STK3: variants seen among roughly 807,000 people sequenced by gnomAD.
STK3 encodes the protein serine/threonine kinase 3.
Under a neutral mutation model 58.0 loss-of-function variants are expected in STK3, and 41 were observed. The ratio of observed to expected loss-of-function variants is 0.71; its 90% CI spans 0.55 to 0.92. STK3 has a LOEUF of 0.92. Ranked by LOEUF, STK3 falls within the 40% of genes least tolerant of loss-of-function variation. STK3 has a pLI of 0.00. For synonymous variants in STK3, 170 were observed against 191.0 expected (o/e 0.89, Z 0.91); for missense variants, 479 against 602.7 (o/e 0.79, Z 2.15).
rs141088013 is a variant in STK3 at position 98,460,377 on chromosome 8, G to T, written c.1318-4377C>A. 5.4e-3 allele frequency among the ~76,000 whole-genome samples: 816 copies of T among 152,286 alleles called. 9 individuals are homozygous for T. The highest frequency in any genetic ancestry group is 0.019 in the African/African-American group (786 of 41,564). ...ATTGTGTCTTGGAAGTCACTAACTT[G>T]CTTTTGATTTTATAGGCTCTTAGGT... is the stretch of plus-strand genomic sequence containing the variant. On this transcript the variant is annotated intron_variant, in intron 10 of 10. Coordinates refer to ENST00000419617, the MANE Select transcript of STK3 (RefSeq NM_006281.4).
chr8:98,392,308 C>T (rs538656426), upstream of STK3, among the ~76,000 whole-genome samples: 2 of 152,158 alleles, frequency 1.3e-5, no homozygotes, highest in African/African-American at 2.4e-5. Flanking sequence ...GGAATGCTTC[C>T]TATTTCTAAA....
chr8:98,580,809 C>T (rs552077477), intron 7 of STK3, among the ~76,000 whole-genome samples: 12 of 151,778 alleles, frequency 7.9e-5, no homozygotes, highest in East Asian at 1.9e-4. Context: ...CAAGAGAACA[C>T]AAAAATATAT....
chr8:98,778,911 A>C (rs1368150053), intron 1 of STK3: 1 of 152,128 alleles, frequency 6.6e-6, no homozygotes, highest in African/African-American at 2.4e-5. Flanking sequence ...GGATAGCATT[A>C]GGAGATATAC....
chr8:98,568,635 G>A (rs1002508524), intron 8 of STK3, among the ~76,000 whole-genome samples: 6 of 152,006 alleles, frequency 3.9e-5, no homozygotes, highest in African/African-American at 1.5e-4. Flanking sequence ...ACAGACACAA[G>A]GCAGGGAGCA....
intron 3 of STK3, among the ~76,000 whole-genome samples, chr8:98,755,003 C>T (rs1273578934): frequency 6.6e-6 from 1 of 152,176 alleles, no homozygotes; most frequent in African/African-American, 2.4e-5. Context: ...GGGCAGCCAC[C>T]TGAAAACACA....
At chr8:98,761,656 T>G (rs996003949) in intron 3 of STK3, among the ~76,000 whole-genome samples, 10 of 152,212 alleles carry the variant, frequency 6.6e-5, no homozygotes, top group African/African-American at 2.4e-4. Context: ...AATGTGGATA[T>G]TCTATTAAAA....
chr8:98,633,410 A>G lies in STK3; in HGVS notation c.685-37241T>C, dbSNP rs1028794612. 62 of 473,118 alleles carry G rather than the reference A, an allele frequency of 1.3e-4. 1 individual carries two copies. In the South Asian group the frequency reaches 1.8e-3, roughly 14 times the overall value. 29.3% of individuals were successfully genotyped at this position (473,118 alleles called of 1,614,324 possible). ...TTAAGATGATCAATCTAGCAGCATC[A>G]TGAAGTTTACTTTAGAGAGGAGATT... On this transcript the variant is annotated intron_variant, in intron 6 of 10. Transcript: ENST00000419617.
At chr8:98,359,689 C>T in the STK3 span, among the ~76,000 whole-genome samples, 1 of 152,130 alleles carries the variant, frequency 6.6e-6, no homozygotes, top group Admixed American at 6.5e-5. Context: ...CATAGAGCAG[C>T]CAGGAGGATC....
At chr8:98,904,909 G>A (rs1414029414) in intron 1 of STK3, 9 of 697,250 alleles carry the variant, frequency 1.3e-5, no homozygotes, top group Middle Eastern at 2.5e-4. Context: ...TGGACTTGAG[G>A]CAGATGGGAC....
rs1297639603 is a variant in STK3, at chr8:98,425,700, C to T, written n.483+8427G>A. ...GAGCCCCCATTCGAAGCCAGATTAA[C>T]GGTCCTCTACAGGTCCTCCAAGGAG... On this transcript the variant is annotated intron_variant and non_coding_transcript_variant, in intron 3 of 3. Transcript: ENST00000517832. Among the ~76,000 whole-genome samples, 9 of 152,300 alleles carry T rather than the reference C, an allele frequency of 5.9e-5. No individual in the cohort carries two copies. The East Asian group carries it at 1.7e-3, about 29-fold the overall frequency.
intron 6 of STK3, among the ~76,000 whole-genome samples, chr8:98,656,930 T>C (rs1220968645): frequency 6.6e-6 from 1 of 152,094 alleles, no homozygotes; most frequent in East Asian, 1.9e-4. Flanking sequence ...GTGGATGAAA[T>C]ACTGGTTGAG....
intron 1 of STK3, among the ~76,000 whole-genome samples, chr8:98,810,931 C>T (rs140077963): frequency 2.9e-4 from 44 of 152,214 alleles, no homozygotes; most frequent in Non-Finnish European, 4.7e-4. Flanking sequence ...CTCTCTCTTC[C>T]CATGTGACAC....
At chr8:98,795,704 AAAATG>A (rs1203099765) in intron 1 of STK3, among the ~76,000 whole-genome samples, 1 of 152,188 alleles carries the variant, frequency 6.6e-6, no homozygotes, top group Non-Finnish European at 1.5e-5. Context: ...TTCAGGATAC[AAAATG>A]AACAAAAACC....
intron 1 of STK3, among the ~76,000 whole-genome samples, chr8:98,813,082 G>A (rs1433695533): frequency 2.0e-5 from 3 of 151,216 alleles, no homozygotes; most frequent in East Asian, 3.9e-4. Context: ...AGATGCTGAC[G>A]ACGTCAGACA....
intron 1 of STK3, among the ~76,000 whole-genome samples, chr8:98,448,816 C>T (rs1326105091): frequency 6.6e-6 from 1 of 152,132 alleles, no homozygotes; most frequent in Non-Finnish European, 1.5e-5. Context: ...GTTAAAATGT[C>T]ATTTGTATCA....
intron 1 of STK3, among the ~76,000 whole-genome samples, chr8:98,791,541 G>A (rs1434831321): frequency 6.6e-6 from 1 of 152,130 alleles, no homozygotes; most frequent in Non-Finnish European, 1.5e-5. Flanking sequence ...GAACAAATCT[G>A]GAGGCATCGC....
chr8:98,614,396 T>C (rs1158436348), intron 6 of STK3, among the ~76,000 whole-genome samples: 1 of 152,068 alleles, frequency 6.6e-6, no homozygotes, highest in African/African-American at 2.4e-5. Context: ...ACTTGAAAAC[T>C]AAAGAACACG....
chr8:98,424,680 C>T (rs1174669030), intron 3 of STK3, among the ~76,000 whole-genome samples: 7 of 152,162 alleles, frequency 4.6e-5, no homozygotes, highest in South Asian at 4.1e-4. Context: ...CAGAAGGAGG[C>T]GGGCAGATAC....
At chr8:98,877,255 T>C (rs1226478482) in intron 3 of STK3, among the ~76,000 whole-genome samples, 1 of 152,184 alleles carries the variant, frequency 6.6e-6, no homozygotes, top group Non-Finnish European at 1.5e-5. Context: ...CACTTACAAT[T>C]CAATGTGAGT....
Sources: gnomAD v4.1 joint callset for allele counts (sites outside exome capture counted in the v4.1 genomes callset) on GRCh38, gnomAD v4.1.1 for gene constraint, MANE v1.5 for transcripts, NCBI Gene and HGNC (gene_info 2026-07-23, HGNC 2026-07-21) for gene names.